The following IL1RAPL1 variants were observed in gnomAD, a reference collection of about 807,000 sequenced individuals.
IL1RAPL1 encodes the protein interleukin-1 receptor accessory protein-like 1.
Under a neutral mutation model 48.4 loss-of-function variants are expected in IL1RAPL1, and 3 were observed. The observed-to-expected ratio is 0.06, with a 90% CI of 0.03 to 0.16. The LOEUF is 0.16. IL1RAPL1 is among the 10% of genes least tolerant of loss of function. The probability of loss-of-function intolerance (pLI) is 1.00; values close to 1 mark genes in which losing one functional copy is unlikely to be tolerated. For missense variants in IL1RAPL1, 349 were observed against 530.6 expected (o/e 0.66, Z 3.36); for synonymous variants, 185 against 187.7 (o/e 0.99, Z 0.12).
chrX:28,972,955 C>T (rs776145053), intron 2 of IL1RAPL1, among the ~76,000 whole-genome samples: 13 of 111,268 alleles, frequency 1.2e-4, no homozygotes, highest in Non-Finnish European at 2.3e-4. Flanking sequence ...TTCCCATCCT[C>T]ATCCTGTTGG....
intron 6 of IL1RAPL1, among the ~76,000 whole-genome samples, chrX:29,834,855 C>A (rs1052084920): frequency 1.8e-5 from 2 of 111,510 alleles, no homozygotes; most frequent in African/African-American, 6.5e-5. Flanking sequence ...CTTGTATCAA[C>A]AATGTATATA....
At chrX:29,188,209 C>G (rs1930288830) in intron 2 of IL1RAPL1, among the ~76,000 whole-genome samples, 1 of 111,864 alleles carries the variant, frequency 8.9e-6, no homozygotes. Flanking sequence ...TTTAAGCAAT[C>G]TCTGCATGTC....
At chrX:29,810,823 C>G (rs897950282) in intron 6 of IL1RAPL1, among the ~76,000 whole-genome samples, 6 of 111,707 alleles carry the variant, frequency 5.4e-5, no homozygotes, top group African/African-American at 1.9e-4. Context: ...ATTTTTCTTT[C>G]TAAGACTTAT....
chrX:29,951,866 A>G (rs753982819), intron 9 of IL1RAPL1, among the ~76,000 whole-genome samples: 2 of 111,110 alleles, frequency 1.8e-5, no homozygotes, highest in Admixed American at 1.9e-4. Flanking sequence ...GAACAGGATC[A>G]TGCATCCAAA....
At chrX:29,889,948 ATGT>A (rs1389170960) in intron 6 of IL1RAPL1, among the ~76,000 whole-genome samples, 2 of 110,492 alleles carry the variant, frequency 1.8e-5, no homozygotes, top group Admixed American at 9.7e-5. Context: ...ACATTCATAC[ATGT>A]TGTGTACATT....
intron 5 of IL1RAPL1, among the ~76,000 whole-genome samples, chrX:29,606,954 A>G (rs1444036466): frequency 1.8e-5 from 2 of 111,880 alleles, no homozygotes; most frequent in African/African-American, 6.5e-5. Flanking sequence ...TAAGGAGTAC[A>G]TTTTTAATGA....
intron 6 of IL1RAPL1, among the ~76,000 whole-genome samples, chrX:29,759,236 G>C (rs754639036): frequency 8.9e-6 from 1 of 112,102 alleles, no homozygotes; most frequent in African/African-American, 3.2e-5. Context: ...TATACACGTG[G>C]TTGTTGTAAG....
intron 6 of IL1RAPL1, among the ~76,000 whole-genome samples, chrX:29,832,733 G>GAC (rs1209683995): frequency 5.8e-5 from 6 of 102,631 alleles, no homozygotes; most frequent in Admixed American, 3.2e-4. Flanking sequence ...CATGCAAAGG[G>GAC]ACACACACAC....
At chrX:29,410,074 G>A (rs1354983999) in intron 5 of IL1RAPL1, among the ~76,000 whole-genome samples, 4 of 110,372 alleles carry the variant, frequency 3.6e-5, no homozygotes, top group Admixed American at 1.9e-4. Context: ...CACCCGCCTC[G>A]GCCTCCCAAA....
intron 5 of IL1RAPL1, among the ~76,000 whole-genome samples, chrX:29,457,966 A>T (rs1238368165): frequency 9.0e-6 from 1 of 111,387 alleles, no homozygotes; most frequent in Non-Finnish European, 1.9e-5. Context: ...ATTTTTTCCT[A>T]TGTCTGTTGG....
intron 2 of IL1RAPL1, among the ~76,000 whole-genome samples, chrX:29,043,919 G>C (rs1183508033): frequency 8.9e-6 from 1 of 111,733 alleles, no homozygotes; most frequent in Non-Finnish European, 1.9e-5. Flanking sequence ...ACTCATCTCA[G>C]GGGAGCTTAG....
chrX:28,804,654 C>T (rs1180730980), intron 2 of IL1RAPL1, among the ~76,000 whole-genome samples: 1 of 111,371 alleles, frequency 9.0e-6, no homozygotes, highest in Non-Finnish European at 1.9e-5. Context: ...CTGACTCTGA[C>T]TTTCCTGCCT....
At chrX:29,183,908 G>A (rs915954399) in intron 2 of IL1RAPL1, among the ~76,000 whole-genome samples, 4 of 111,642 alleles carry the variant, frequency 3.6e-5, no homozygotes, top group African/African-American at 1.3e-4. Flanking sequence ...TGGTCAGGCC[G>A]GTCTCGAACT....
intron 2 of IL1RAPL1, among the ~76,000 whole-genome samples, chrX:28,876,035 G>T (rs1388828485): frequency 1.8e-5 from 2 of 111,651 alleles, no homozygotes; most frequent in Admixed American, 1.9e-4. Flanking sequence ...ACCATGAATG[G>T]AAGCTCCCTG....
intron 1 of IL1RAPL1, among the ~76,000 whole-genome samples, chrX:28,723,816 AG>A (rs1935625781): frequency 8.9e-6 from 1 of 112,011 alleles, no homozygotes; most frequent in Non-Finnish European, 1.9e-5. Flanking sequence ...TTGGTTTCAA[AG>A]AACATCTTTA....
In IL1RAPL1 at chrX:28,724,518, C is replaced by A. The variant is rs181087296; in HGVS notation, c.-24-64802C>A. On this transcript the variant is annotated intron_variant, in intron 1 of 10. Transcript: ENST00000378993. ...GCACGTGAGATGGGTCTCCTGAATA[C>A]AGCACACTGATGGGTCTTGACTCTT... 3.6e-5 allele frequency among the ~76,000 whole-genome samples: 4 copies of A among 111,156 alleles called. No homozygotes were observed. The Admixed American group carries it at 3.9e-4, about 11-fold the overall frequency.
At chrX:29,091,460 G>A (rs912231416) in intron 2 of IL1RAPL1, among the ~76,000 whole-genome samples, 2 of 112,073 alleles carry the variant, frequency 1.8e-5, no homozygotes, top group Non-Finnish European at 1.9e-5. Context: ...GCTTCTCTCA[G>A]TTGAGCCAAA....
chrX:29,705,852 C>G (rs958143299), intron 6 of IL1RAPL1, among the ~76,000 whole-genome samples: 1 of 112,497 alleles, frequency 8.9e-6, no homozygotes, highest in Admixed American at 9.4e-5. Flanking sequence ...TCTTTGGGTT[C>G]TTGTTAACGA....
At chrX:28,667,713 A>G (rs769752189) in intron 1 of IL1RAPL1, among the ~76,000 whole-genome samples, 1 of 112,186 alleles carries the variant, frequency 8.9e-6, no homozygotes, top group South Asian at 3.7e-4. Flanking sequence ...TATTTCTCCC[A>G]GTTATGTAGG....
Sources: gnomAD v4.1 joint callset for allele counts (sites outside exome capture counted in the v4.1 genomes callset) on GRCh38, gnomAD v4.1.1 for gene constraint, MANE v1.5 for transcripts, NCBI Gene and HGNC (gene_info 2026-07-23, HGNC 2026-07-21) for gene names.